ASB6: variants seen among roughly 807,000 people sequenced by gnomAD.
The protein encoded by ASB6 is ankyrin repeat and SOCS box protein 6.
ASB6 carries 24 observed loss-of-function variants against 28.6 expected under a neutral mutation model. The observed-to-expected ratio is 0.84, with a 90% CI of 0.61 to 1.18. The LOEUF (loss-of-function observed/expected upper bound fraction) is 1.18, where lower values mean the gene tolerates loss of function less well. Ranked by LOEUF, ASB6 falls within the 50% of genes most tolerant of loss-of-function variation. ASB6 has a pLI of 0.00. For synonymous variants in ASB6, 267 were observed against 243.4 expected (o/e 1.10, Z -0.90); for missense variants, 519 against 559.8 (o/e 0.93, Z 0.74).
Position 129,634,634 on chromosome 9 carries a change from G to A in ASB6, c.*3156C>T, listed in dbSNP as rs1401282408. ...TTTATAAGGGTTTTATTTTTAATAA[G>A]ATGAATAGTTTAAGCTTCGTGTCTA... is the stretch of plus-strand genomic sequence containing the variant. On this transcript the variant is annotated 3_prime_UTR_variant, in exon 6 of 6. Coordinates refer to ENST00000277458, the MANE Select transcript of ASB6 (RefSeq NM_017873.4). 1.1e-5 allele frequency: 3 copies of A among 280,432 alleles called. No individual in the cohort carries two copies. Among genetic ancestry groups the A allele is most frequent in the Non-Finnish European group, 2.0e-5 (3 of 149,678 alleles). The allele number at this position is 280,432 out of a possible 1,614,324, so 17.4% of individuals were successfully genotyped here.
At position 129,637,910 on chromosome 9, in the gene ASB6, G is replaced by A. The variant is rs1232616817; in HGVS notation, c.1146C>T (p.Ala382=). The change falls in exon 6 of 6, where the codon GCC becomes GCT. Residue 382 remains alanine, a synonymous_variant. Coordinates refer to ENST00000277458, the MANE Select transcript of ASB6 (RefSeq NM_017873.4). ...PPPLKHLCRV[A]IRLYLQPWPV... ...GCCACGGCTGAAGGTAGAGCCGGAT[G>A]GCCACACGGCACAGGTGCTTGAGGG... 5 of 1,583,412 alleles carry A rather than the reference G, an allele frequency of 3.2e-6. No individual in the cohort carries two copies. The highest frequency in any genetic ancestry group is 2.3e-5 in the South Asian group (2 of 86,014).
Position 129,637,710 on chromosome 9 carries a change from C to G in ASB6, c.*80G>C, listed in dbSNP as rs567076408. 8.1e-6 allele frequency: 11 copies of G among 1,355,024 alleles called. No homozygotes were observed. In the South Asian group the frequency reaches 1.2e-4, roughly 15 times the overall value. The allele number at this position is 1,355,024 out of a possible 1,614,324, so 83.9% of individuals were successfully genotyped here. Reference sequence around the variant, plus strand: ...TCTCATCTCCCAGATCAAAAAGACCCTCTTCTAATGCTGTCCCAGCATCTA... The same window carrying G: ...TCTCATCTCCCAGATCAAAAAGACCGTCTTCTAATGCTGTCCCAGCATCTA... On this transcript the variant is annotated 3_prime_UTR_variant, in exon 6 of 6. Transcript: ENST00000277458.
intron 2 of ASB6, 108 bp downstream of exon 2, chr9:129,640,433 G>C: frequency 2.1e-6 from 3 of 1,402,724 alleles, no homozygotes; most frequent in Non-Finnish European, 2.8e-6. Context: ...ATAAAGGGGG[G>C]GAAGTCACTC....
chr9:129,640,678 G>T lies in ASB6; in HGVS notation c.158C>A (p.Thr53Asn). 1.9e-6 allele frequency: 3 copies of T among 1,614,214 alleles called. No homozygotes were observed. The highest frequency in any genetic ancestry group is 1.7e-5 in the Admixed American group (1 of 60,028). Reference protein sequence around the residue: ...ASEESRILVLTELLERKAHSP... With the variant: ...ASEESRILVLNELLERKAHSP... Reference sequence around the variant, plus strand: ...GTGGGCTTTCCTCTCCAGCAGCTCAGTGAGAACAAGGATTCGGCTCTCCTC... The same window carrying T: ...GTGGGCTTTCCTCTCCAGCAGCTCATTGAGAACAAGGATTCGGCTCTCCTC... The change falls in exon 2 of 6, where the codon ACT (threonine) becomes AAT (asparagine). Residue 53 changes from threonine to asparagine, a missense_variant. By Grantham distance (65) the Thr-to-Asn change is moderately conservative. Coordinates refer to ENST00000277458, the MANE Select transcript of ASB6 (RefSeq NM_017873.4).
intron 5 of ASB6, 33 bp downstream of exon 5, chr9:129,638,538 TGA>T (rs765351752): frequency 4.3e-6 from 7 of 1,612,044 alleles, no homozygotes; most frequent in Middle Eastern, 3.3e-4. Context: ...AAGGGGCGGG[TGA>T]GAGGACGAGG....
Position 129,635,366 on chromosome 9 carries a change from A to G in ASB6, c.*2424T>C, listed in dbSNP as rs755511942. The G allele has an allele frequency of 9.3e-6, 15 of 1,613,702 alleles. No homozygotes were observed. Among genetic ancestry groups the G allele is most frequent in the African/African-American group, 1.3e-5 (1 of 74,954 alleles). On this transcript the variant is annotated 3_prime_UTR_variant, in exon 6 of 6. Coordinates refer to ENST00000277458, the MANE Select transcript of ASB6 (RefSeq NM_017873.4). ...GTGCCGGGACCTTGACGTGGTCCGC[A>G]GGATCATCTGCAGTGCAGGCCTCAG...
chr9:129,640,588 C>A lies in ASB6; in HGVS notation c.248G>T (p.Arg83Leu). 1 of 1,612,782 alleles carries A rather than the reference C, an allele frequency of 6.2e-7. No homozygotes were observed. The highest frequency in any genetic ancestry group is 8.5e-7 in the Non-Finnish European group (1 of 1,179,746). The change falls in exon 2 of 6, where the codon CGG becomes CTG. Residue 83 changes from arginine (R) to leucine (L), a missense_variant. Arg to Leu is a moderately radical substitution (Grantham distance 102, BLOSUM62 -2). Coordinates refer to ENST00000277458, the MANE Select transcript of ASB6 (RefSeq NM_017873.4). ...ATGCCGCAAGAGAACGTCGGCCGCC[C>A]GCGTCAGCCCCAGCTCAGCCATCTT... ...LLKMAELGLT[R>L]AADVLLRHGA...
At chr9:129,641,759 AC>A in intron 1 of ASB6, 127 bp downstream of exon 1, 3 of 1,038,316 alleles carry the variant, frequency 2.9e-6, no homozygotes, top group Non-Finnish European at 3.9e-6. Flanking sequence ...GAGCCACGCA[AC>A]CCCGGCTTCC....
At position 129,641,974 on chromosome 9, in the gene ASB6, C is replaced by A; in HGVS notation, c.26G>T (p.Arg9Met). The A allele has an allele frequency of 6.2e-7, 1 of 1,602,218 alleles. No individual in the cohort carries two copies. The highest frequency in any genetic ancestry group is 8.5e-7 in the Non-Finnish European group (1 of 1,175,614). MPFLHGFRRIIFEYQPLVD... is the reference protein window; with the variant it reads MPFLHGFRMIIFEYQPLVD... ...CAGCGGCTGGTACTCGAAGATGATC[C>A]TCCGGAAGCCGTGCAGGAACGGCAT... is the stretch of plus-strand genomic sequence containing the variant. The change falls in exon 1 of 6, where the codon AGG (arginine) becomes ATG (methionine). Residue 9 changes from arginine to methionine, a missense_variant. Physicochemically the swap from Arg to Met is moderately conservative, Grantham distance 91. Transcript: ENST00000277458.
intron 1 of ASB6, chr9:129,640,934 C>A: frequency 1.7e-6 from 1 of 572,250 alleles, no homozygotes; most frequent in Non-Finnish European, 3.0e-6. Flanking sequence ...GGAGAATGGG[C>A]TGGGTCTGTC....
Position 129,638,318 on chromosome 9 carries a change from C to A in ASB6, c.738G>T (p.Leu246=). ...CGCTGGGGTCGGCCCCGTGTGCCAGCAGCAGCCGTGTGACTTGGAAGCAGA... is the reference window on the plus strand; with the variant it reads ...CGCTGGGGTCGGCCCCGTGTGCCAGAAGCAGCCGTGTGACTTGGAAGCAGA... ...NRFCFQVTRL[L]LAHGADPSEC... Residue 246 remains leucine (L), a synonymous_variant, in exon 6 of 6, where the codon CTG becomes CTT. Coordinates refer to ENST00000277458, the MANE Select transcript of ASB6 (RefSeq NM_017873.4). 6.2e-7 allele frequency: 1 copy of A among 1,612,854 alleles called. No homozygotes were observed. The highest frequency in any genetic ancestry group is 2.2e-5 in the East Asian group (1 of 44,888).
intron 1 of ASB6, 118 bp downstream of exon 1, chr9:129,641,769 C>G (rs904943897): frequency 1.8e-6 from 2 of 1,118,288 alleles, no homozygotes; most frequent in African/African-American, 3.3e-5. Flanking sequence ...ACCCCGGCTT[C>G]CGCCCGTCCC....
Position 129,635,488 on chromosome 9 carries a change from AG to A in ASB6, c.*2301del, listed in dbSNP as rs769251299. 6.3e-7 allele frequency: 1 copy of A among 1,596,644 alleles called. No homozygotes were observed. Among genetic ancestry groups the A allele is most frequent in the South Asian group, 1.1e-5 (1 of 89,706 alleles). On this transcript the variant is annotated 3_prime_UTR_variant, in exon 6 of 6. Coordinates refer to ENST00000277458, the MANE Select transcript of ASB6 (RefSeq NM_017873.4). ...GAGCCGGGGCTGGCAGGAGAAACTG[AG>A]GAACCACAGTCCTGGTGGGGGGAGC...
Position 129,636,619 on chromosome 9 carries a change from C to T in ASB6, c.*1171G>A, listed in dbSNP as rs1253547512. 1 of 152,076 alleles carries T rather than the reference C, an allele frequency of 6.6e-6. No individual in the cohort carries two copies. The highest frequency in any genetic ancestry group is 1.5e-5 in the Non-Finnish European group (1 of 68,006). 9.4% of individuals were successfully genotyped at this position (152,076 alleles called of 1,614,324 possible). On this transcript the variant is annotated 3_prime_UTR_variant, in exon 6 of 6. Transcript: ENST00000277458. ...GGCTGAGGCAGGAGAACTGCTTGAACCTGGGAGGCAGAGGTCGCAGTGAGC... is the reference window on the plus strand; with the variant it reads ...GGCTGAGGCAGGAGAACTGCTTGAATCTGGGAGGCAGAGGTCGCAGTGAGC...
At position 129,635,128 on chromosome 9, in the gene ASB6, C is replaced by T; in HGVS notation, c.*2662G>A. ...TGCTGGGCACAAATGAGGGGCTCAG[C>T]GGGGCTGAGAAGTACATCCCATCCA... On this transcript the variant is annotated 3_prime_UTR_variant, in exon 6 of 6. Transcript: ENST00000277458. 2.4e-5 allele frequency: 37 copies of T among 1,510,562 alleles called. No individual in the cohort carries two copies. The highest frequency in any genetic ancestry group is 6.2e-5 in the South Asian group (5 of 80,626). 93.6% of individuals were successfully genotyped at this position (1,510,562 alleles called of 1,614,324 possible).
At position 129,639,144 on chromosome 9, in the gene ASB6, G is replaced by A. The variant is rs1831630868; in HGVS notation, c.511+58C>T. The A allele has an allele frequency of 2.7e-6, 4 of 1,509,026 alleles. No individual in the cohort carries two copies. In the South Asian group the frequency reaches 3.8e-5, roughly 14 times the overall value. 93.5% of individuals were successfully genotyped at this position (1,509,026 alleles called of 1,614,324 possible). A position where few individuals can be genotyped will look rare whatever the true frequency, so the allele number is the denominator to read the frequency against. On this transcript the variant is annotated intron_variant, in intron 4 of 5. Coordinates refer to ENST00000277458, the MANE Select transcript of ASB6 (RefSeq NM_017873.4). ...GCTGTTGTCCTGGGGCACCCTGGGTGTCCCCCACAAGGTGCCTGGGGGCCC... is the reference window on the plus strand; with the variant it reads ...GCTGTTGTCCTGGGGCACCCTGGGTATCCCCCACAAGGTGCCTGGGGGCCC...
In ASB6 at chr9:129,637,665, T is replaced by A. The variant is rs1309973637; in HGVS notation, c.*125A>T. The A allele has an allele frequency of 1.9e-6, 2 of 1,064,704 alleles. No homozygotes were observed. The highest frequency in any genetic ancestry group is 3.2e-5 in the African/African-American group (2 of 62,560). The allele number at this position is 1,064,704 out of a possible 1,614,324, so 66.0% of individuals were successfully genotyped here. A position where few individuals can be genotyped will look rare whatever the true frequency, so the allele number is the denominator to read the frequency against. ...CAGCTTCAGGCTCTACCTGGCTGGC[T>A]TTTCTCATGAAGGATCCCGTCTCAT... On this transcript the variant is annotated 3_prime_UTR_variant, in exon 6 of 6. Coordinates refer to ENST00000277458, the MANE Select transcript of ASB6 (RefSeq NM_017873.4).
In ASB6 at chr9:129,638,108, G is replaced by T; in HGVS notation, c.948C>A (p.Asp316Glu). The T allele has an allele frequency of 4.3e-6, 7 of 1,614,194 alleles. No homozygotes were observed. The highest frequency in any genetic ancestry group is 5.9e-6 in the Non-Finnish European group (7 of 1,180,044). ...TGCGCAGGAGGTCCGCATGGCTCTC[G>T]TCTTCCGTGCAGCCTGGGTGGGAAC... The part of the protein sequence containing the change: ...RLCSHPGCTE[D>E]ESHADLLRKA... The change falls in exon 6 of 6, where the codon GAC (aspartate) becomes GAA (glutamate). Residue 316 changes from aspartate to glutamate, a missense_variant. Asp to Glu is a conservative substitution (Grantham distance 45). Transcript: ENST00000277458.
chr9:129,635,233 C>T lies in ASB6; in HGVS notation c.*2557G>A, dbSNP rs754452035. 2.2e-5 allele frequency: 35 copies of T among 1,611,456 alleles called. No homozygotes were observed. The highest frequency in any genetic ancestry group is 5.0e-5 in the Admixed American group (3 of 60,004). ...GCCACCTCACCGATCAGCACCTGGC[C>T]GAGTTCCTGCGGCGCTGCAAGGGCA... On this transcript the variant is annotated 3_prime_UTR_variant, in exon 6 of 6. Transcript: ENST00000277458.
Sources: allele counts gnomAD v4.1 joint callset, GRCh38; gene constraint gnomAD v4.1.1; transcripts MANE v1.5; gene names NCBI Gene and HGNC (gene_info 2026-07-23, HGNC 2026-07-21).